EXOSC9: variants seen among roughly 807,000 people sequenced by gnomAD.
The protein encoded by EXOSC9 is exosome component 9.
In EXOSC9, 38 loss-of-function variants were observed where a neutral mutation model predicts 56.5. The ratio of observed to expected loss-of-function variants is 0.67; its 90% CI spans 0.52 to 0.88. The LOEUF (loss-of-function observed/expected upper bound fraction) is 0.88, where lower values mean the gene tolerates loss of function less well. Ranked by LOEUF, EXOSC9 falls within the 40% of genes least tolerant of loss-of-function variation. EXOSC9 has a pLI of 0.00. For missense variants in EXOSC9, 559 were observed against 530.5 expected, an observed-to-expected ratio of 1.05 and a Z score of -0.53; for synonymous variants, 170 against 170.8, an observed-to-expected ratio of 0.99 and a Z score of 0.04.
chr4:121,806,173 A>G (rs1022091748), intron 5 of EXOSC9, among the ~76,000 whole-genome samples: 3 of 148,956 alleles, frequency 2.0e-5, no homozygotes, highest in Non-Finnish European at 1.5e-5. Context: ...TTCTTTTGAG[A>G]CAAAGTTTCA....
rs1245014294 is a variant in EXOSC9, at chr4:121,816,362, AAC to A, written c.1157-5_1157-4del. On this transcript the variant is annotated splice_region_variant and splice_polypyrimidine_tract_variant and intron_variant, in intron 10 of 11. Transcript: ENST00000243498. ...TTTTTTTTTTTTAAATTAATAAAAA[AAC>A]AAAGATGCTCCCATAATACTCTCAG... 3 of 1,480,590 alleles carry A rather than the reference AAC, an allele frequency of 2.0e-6. No homozygotes were observed. Among genetic ancestry groups the A allele is most frequent in the Non-Finnish European group, 2.7e-6 (3 of 1,098,102 alleles). 91.7% of individuals were successfully genotyped at this position (1,480,590 alleles called of 1,614,324 possible). A position where few individuals can be genotyped will look rare whatever the true frequency, so the allele number is the denominator to read the frequency against.
chr4:121,808,262 T>TA (rs1326174796), intron 6 of EXOSC9, among the ~76,000 whole-genome samples: 1 of 72,742 alleles, frequency 1.4e-5, no homozygotes, highest in Non-Finnish European at 3.8e-5. Flanking sequence ...GAGAAACACT[T>TA]ACAAGTTTTA....
rs1378750354 is a variant in EXOSC9 at position 121,801,361 on chromosome 4, A to C, written c.-64A>C. Reference sequence around the variant, plus strand: ...GCCTCGGGGCGAGCAGCGGCGCGCAAGGAAAGATCGGGTTCCGTTTTTCCC... The same window carrying C: ...GCCTCGGGGCGAGCAGCGGCGCGCACGGAAAGATCGGGTTCCGTTTTTCCC... On this transcript the variant is annotated 5_prime_UTR_variant, in exon 1 of 12. Transcript: ENST00000243498. 2 of 1,490,984 alleles carry C rather than the reference A, an allele frequency of 1.3e-6. No homozygotes were observed. Among genetic ancestry groups the C allele is most frequent in the East Asian group, 2.3e-5 (1 of 44,288 alleles). The allele number at this position is 1,490,984 out of a possible 1,614,324, so 92.4% of individuals were successfully genotyped here.
chr4:121,816,524 C>T (rs1243711851), intron 11 of EXOSC9, 77 bp downstream of exon 11: 2 of 957,504 alleles, frequency 2.1e-6, no homozygotes, highest in African/African-American at 1.7e-5. Context: ...GTTTTACTCT[C>T]ATCTTGCCAC....
rs202243579 is a variant in EXOSC9 at position 121,807,569 on chromosome 4, A to G, written c.552A>G (p.Pro184=). Reference sequence around the variant, plus strand: ...CACCTGAAGAGCGTGATCCTGTACCATTAAGTATCCACCACATGCCCATTT... The same window carrying G: ...CACCTGAAGAGCGTGATCCTGTACCGTTAAGTATCCACCACATGCCCATTT... ...LYTPEERDPV[P]LSIHHMPICV... Residue 184 remains proline, a synonymous_variant, in exon 6 of 12, where the codon CCA becomes CCG. Coordinates refer to ENST00000243498, the MANE Select transcript of EXOSC9 (RefSeq NM_005033.3). 151 of 1,613,256 alleles carry G rather than the reference A, an allele frequency of 9.4e-5. 2 individuals carry two copies. In the Middle Eastern group the frequency reaches 9.9e-4, roughly 11 times the overall value.
chr4:121,804,918 C>G (rs6836544), intron 5 of EXOSC9, among the ~76,000 whole-genome samples, 159 bp downstream of exon 5: 7 of 152,052 alleles, frequency 4.6e-5, no homozygotes, highest in African/African-American at 1.7e-4. Context: ...TCAAAATTGC[C>G]CTGGAAATCT....
chr4:121,811,705 A>G, intron 8 of EXOSC9, 34 bp downstream of exon 8: 1 of 1,070,268 alleles, frequency 9.3e-7, no homozygotes, highest in Non-Finnish European at 1.3e-6. Context: ...GTGGTCTTTT[A>G]TTTTCATTTT....
At position 121,801,368 on chromosome 4, in the gene EXOSC9, A is replaced by G; in HGVS notation, c.-57A>G. 3.3e-6 allele frequency: 5 copies of G among 1,527,664 alleles called. No homozygotes were observed. Among genetic ancestry groups the G allele is most frequent in the Non-Finnish European group, 4.5e-6 (5 of 1,101,224 alleles). The allele number at this position is 1,527,664 out of a possible 1,614,324, so 94.6% of individuals were successfully genotyped here. A position where few individuals can be genotyped will look rare whatever the true frequency, so the allele number is the denominator to read the frequency against. Reference sequence around the variant, plus strand: ...GGCGAGCAGCGGCGCGCAAGGAAAGATCGGGTTCCGTTTTTCCCGCGGATT... The same window carrying G: ...GGCGAGCAGCGGCGCGCAAGGAAAGGTCGGGTTCCGTTTTTCCCGCGGATT... On this transcript the variant is annotated 5_prime_UTR_variant, in exon 1 of 12. Coordinates refer to ENST00000243498, the MANE Select transcript of EXOSC9 (RefSeq NM_005033.3).
At chr4:121,811,506 T>G in intron 7 of EXOSC9, 77 bp from the exon 8 acceptor site, 1 of 767,662 alleles carries the variant, frequency 1.3e-6, no homozygotes, top group South Asian at 2.3e-5. Flanking sequence ...GGTAGAAAAA[T>G]TTCATGGTTT....
Position 121,816,204 on chromosome 4 carries a change from C to T in EXOSC9, c.1157-165C>T, listed in dbSNP as rs1268282217. 3.2e-6 allele frequency: 2 copies of T among 624,704 alleles called. No homozygotes were observed. The highest frequency in any genetic ancestry group is 3.1e-5 in the East Asian group (1 of 32,720). The allele number at this position is 624,704 out of a possible 1,614,324, so 38.7% of individuals were successfully genotyped here. A position where few individuals can be genotyped will look rare whatever the true frequency, so the allele number is the denominator to read the frequency against. ...GAGTTCCTGACCTCAGGTAATCCAC[C>T]TGCCTCAGCCTACCAAAATGTGGGT... On this transcript the variant is annotated intron_variant, in intron 10 of 11. Coordinates refer to ENST00000243498, the MANE Select transcript of EXOSC9 (RefSeq NM_005033.3).
rs919933221 is a variant in EXOSC9, at chr4:121,801,352, C to T, written c.-73C>T. 18 of 1,428,122 alleles carry T rather than the reference C, an allele frequency of 1.3e-5. No individual in the cohort carries two copies. Among genetic ancestry groups the T allele is most frequent in the African/African-American group, 5.6e-5 (4 of 71,216 alleles). The allele number at this position is 1,428,122 out of a possible 1,614,324, so 88.5% of individuals were successfully genotyped here. ...TTTTCCTGCGCCTCGGGGCGAGCAG[C>T]GGCGCGCAAGGAAAGATCGGGTTCC... On this transcript the variant is annotated 5_prime_UTR_variant, in exon 1 of 12. Transcript: ENST00000243498.
At chr4:121,804,976 G>A (rs553077905) in intron 5 of EXOSC9, among the ~76,000 whole-genome samples, 90 of 152,304 alleles carry the variant, frequency 5.9e-4, no homozygotes, top group African/African-American at 2.1e-3. Flanking sequence ...ACATACCCTA[G>A]CCTGGTTTTC....
chr4:121,816,435 C>CAAAG lies in EXOSC9; in HGVS notation c.1227_1230dup (p.Ile411GlufsTer17), dbSNP rs759463605. On this transcript the variant is annotated frameshift_variant, in exon 11 of 12. Transcript: ENST00000243498. LOFTEE classifies it high-confidence loss of function. ...ATCATTTTGGAACCAGACAAGAATC[C>CAAAG]AAAGAAAATAAGGTAACAAATTTCT... 5.3e-5 allele frequency: 83 copies of CAAAG among 1,572,330 alleles called. No individual in the cohort carries two copies. Among genetic ancestry groups the CAAAG allele is most frequent in the Non-Finnish European group, 6.2e-5 (72 of 1,157,666 alleles).
At chr4:121,810,697 A>T (rs1484637620) in intron 7 of EXOSC9, among the ~76,000 whole-genome samples, 1 of 152,124 alleles carries the variant, frequency 6.6e-6, no homozygotes, top group East Asian at 1.9e-4. Context: ...AATAAAAAAT[A>T]AAATAAATAA....
Position 121,810,080 on chromosome 4 carries a change from T to A in EXOSC9, c.719T>A (p.Ile240Lys). ...EICTIQSSGG[I>K]MLLKDQVLRC... ...TGTACTATCCAGTCCAGTGGTGGGA[T>A]AATGCTACTAAAAGATCAAGTTAGT... The change falls in exon 7 of 12, where the codon ATA (isoleucine) becomes AAA (lysine). Residue 240 changes from isoleucine to lysine, a missense_variant. Ile to Lys is a moderately radical substitution (Grantham distance 102). Coordinates refer to ENST00000243498, the MANE Select transcript of EXOSC9 (RefSeq NM_005033.3). 3.7e-6 allele frequency: 6 copies of A among 1,613,848 alleles called. No homozygotes were observed. Among genetic ancestry groups the A allele is most frequent in the Non-Finnish European group, 5.1e-6 (6 of 1,179,750 alleles).
intron 10 of EXOSC9, 38 bp downstream of exon 10, chr4:121,814,085 A>T: frequency 7.9e-7 from 1 of 1,260,258 alleles, no homozygotes. Flanking sequence ...TATATATTAC[A>T]TACATATAGT....
At chr4:121,816,332 C>CTTTTT in intron 10 of EXOSC9, 37 bp from the exon 11 acceptor site, 1 of 956,992 alleles carries the variant, frequency 1.0e-6, no homozygotes, top group Non-Finnish European at 1.5e-6. Context: ...GATTGCTTAA[C>CTTTTT]TTTTTTTTTT....
intron 9 of EXOSC9, 72 bp from the exon 10 acceptor site, chr4:121,813,794 A>G: frequency 3.5e-6 from 4 of 1,145,780 alleles, no homozygotes; most frequent in Admixed American, 2.2e-5. Context: ...CAAGAAGAAA[A>G]CTTTCATTCT....
intron 5 of EXOSC9, 44 bp from the exon 6 acceptor site, chr4:121,807,496 A>G (rs1171012489): frequency 8.0e-7 from 1 of 1,252,946 alleles, no homozygotes; most frequent in Non-Finnish European, 1.2e-6. Flanking sequence ...TTGGATGTTC[A>G]TAACTTAGTG....
Sources: allele counts gnomAD v4.1 joint callset (sites outside exome capture counted in the v4.1 genomes callset), GRCh38; gene constraint gnomAD v4.1.1; transcripts MANE v1.5; gene names NCBI Gene and HGNC (gene_info 2026-07-23, HGNC 2026-07-21).